The following ALDH2 variants were observed in gnomAD, a reference collection of about 807,000 sequenced individuals.
ALDH2 encodes aldehyde dehydrogenase 2 family member.
A neutral mutation model predicts 59.6 loss-of-function variants in ALDH2; 44 were observed. That is an observed-to-expected ratio of 0.74 (90% CI 0.58 to 0.95). ALDH2 has a LOEUF of 0.95. Ranked by LOEUF, ALDH2 falls within the 40% of genes least tolerant of loss-of-function variation. ALDH2 has a pLI of 0.00. For synonymous variants in ALDH2, 291 were observed against 284.0 expected (o/e 1.02, Z -0.25); for missense variants, 570 against 696.3 (o/e 0.82, Z 2.04).
rs765056115 is a variant in ALDH2, at chr12:111,790,569, G to A, written c.681+7G>A. 15 of 1,613,968 alleles carry A rather than the reference G, an allele frequency of 9.3e-6. No individual in the cohort carries two copies. The highest frequency in any genetic ancestry group is 4.0e-5 in the African/African-American group (3 of 74,906). The stretch of plus-strand genomic sequence containing the variant: ...GGCCAACCTGATCAAGGAGGTGCGT[G>A]GCTTATCCTGGTCTTAACCTCTAAA... On this transcript the variant is annotated splice_region_variant and intron_variant, in intron 6 of 12. Transcript: ENST00000261733.
At position 111,810,507 on chromosome 12, in the gene ALDH2, C is replaced by T. The variant is rs1209958428; in HGVS notation, c.*932C>T. 6.6e-6 allele frequency: 1 copy of T among 152,028 alleles called. No homozygotes were observed. Among genetic ancestry groups the T allele is most frequent in the East Asian group, 1.9e-4 (1 of 5,196 alleles). 9.4% of individuals were successfully genotyped at this position (152,028 alleles called of 1,614,324 possible). A position where few individuals can be genotyped will look rare whatever the true frequency, so the allele number is the denominator to read the frequency against. ...TTGTTTCATGCATTTAACTTCTGGC[C>T]TGTTTACCTGTAGCAGGCTCTGAGA... is the stretch of plus-strand genomic sequence containing the variant. On this transcript the variant is annotated 3_prime_UTR_variant, in exon 13 of 13. Transcript: ENST00000261733.
rs58352818 is a variant in ALDH2, at chr12:111,809,728, T to C, written c.*153T>C. On this transcript the variant is annotated 3_prime_UTR_variant, in exon 13 of 13. Coordinates refer to ENST00000261733, the MANE Select transcript of ALDH2 (RefSeq NM_000690.4). ...GTCAAGAAAGTTCTAGAATTTGAAT[T>C]GATAAACATGGTGGGTTGGCTGAGG... 3,512 of 825,344 alleles carry C rather than the reference T, an allele frequency of 4.3e-3. 95 individuals carry two copies. In the African/African-American group the frequency reaches 0.053, roughly 12 times the overall value. The allele number at this position is 825,344 out of a possible 1,614,324, so 51.1% of individuals were successfully genotyped here.
In ALDH2 at chr12:111,789,875, G is replaced by A. The variant is rs144375294; in HGVS notation, c.493G>A (p.Gly165Arg). ...CCACGGGAAAACCATCCCCATTGACGGAGACTTCTTCAGCTACACACGCCA... is the reference window on the plus strand; with the variant it reads ...CCACGGGAAAACCATCCCCATTGACAGAGACTTCTTCAGCTACACACGCCA... ...KYHGKTIPID[G>R]DFFSYTRHEP... Residue 165 changes from glycine to arginine, a missense_variant, in exon 5 of 13, where the codon GGA becomes AGA. By Grantham distance (125) the Gly-to-Arg change is moderately radical. Coordinates refer to ENST00000261733, the MANE Select transcript of ALDH2 (RefSeq NM_000690.4). 8.3e-5 allele frequency: 134 copies of A among 1,614,026 alleles called. 2 individuals are homozygous for A. The highest frequency in any genetic ancestry group is 4.1e-4 in the South Asian group (37 of 91,078).
chr12:111,780,660 G>T (rs975221025), intron 1 of ALDH2, among the ~76,000 whole-genome samples: 2 of 151,968 alleles, frequency 1.3e-5, no homozygotes, highest in Non-Finnish European at 2.9e-5. Context: ...TCTTCCCTTC[G>T]CCTTCATCTG....
At chr12:111,790,403 G>A (rs775770152) in intron 5 of ALDH2, 31 bp from the exon 6 acceptor site, 1 of 1,613,434 alleles carries the variant, frequency 6.2e-7, no homozygotes, top group Admixed American at 1.7e-5. Context: ...GAGGAAGCTT[G>A]GATTTCGAGG....
intron 12 of ALDH2, among the ~76,000 whole-genome samples, chr12:111,805,685 A>G (rs1021920418): frequency 6.6e-6 from 1 of 152,174 alleles, no homozygotes; most frequent in Non-Finnish European, 1.5e-5. Context: ...ATGTTCGCCA[A>G]TTTCATAAGC....
At chr12:111,806,136 A>C (rs1366116253) in intron 12 of ALDH2, among the ~76,000 whole-genome samples, 2 of 151,716 alleles carry the variant, frequency 1.3e-5, no homozygotes. Context: ...ACATGGTGAA[A>C]CCTCGTCTCT....
At chr12:111,790,292 C>A in intron 5 of ALDH2, 142 bp from the exon 6 acceptor site, 1 of 1,067,902 alleles carries the variant, frequency 9.4e-7, no homozygotes, top group Non-Finnish European at 1.4e-6. Flanking sequence ...ATCTTAAAAC[C>A]ACGATGGATG....
At chr12:111,772,127 A>G (rs939903737) in intron 1 of ALDH2, among the ~76,000 whole-genome samples, 1 of 152,008 alleles carries the variant, frequency 6.6e-6, no homozygotes, top group Admixed American at 6.6e-5. Context: ...AACAAAAAAA[A>G]CTTAATACCC....
In ALDH2 at chr12:111,783,187, C is replaced by T. The variant is rs2068285432; in HGVS notation, c.249C>T (p.Ala83=). Residue 83 remains alanine, a synonymous_variant, in exon 3 of 13, where the codon GCC becomes GCT. Coordinates refer to ENST00000261733, the MANE Select transcript of ALDH2 (RefSeq NM_000690.4). ...ATGTGGACAAGGCAGTGAAGGCCGCCCGGGCCGCCTTCCAGCTGGGCTCAC... is the reference window on the plus strand; with the variant it reads ...ATGTGGACAAGGCAGTGAAGGCCGCTCGGGCCGCCTTCCAGCTGGGCTCAC... The part of the protein sequence containing the change: ...KEDVDKAVKA[A]RAAFQLGSPW... 1.2e-6 allele frequency: 2 copies of T among 1,612,968 alleles called. No homozygotes were observed. Among genetic ancestry groups the T allele is most frequent in the South Asian group, 2.2e-5 (2 of 90,922 alleles).
chr12:111,785,298 A>G lies in ALDH2; in HGVS notation c.392A>G (p.Tyr131Cys), dbSNP rs774052763. 6 of 1,613,996 alleles carry G rather than the reference A, an allele frequency of 3.7e-6. No individual in the cohort carries two copies. Among genetic ancestry groups the G allele is most frequent in the East Asian group, 4.5e-5 (2 of 44,876 alleles). Residue 131 changes from tyrosine (Y) to cysteine (C), a missense_variant, in exon 4 of 13, where the codon TAT (tyrosine) becomes TGT (cysteine). Transcript: ENST00000261733. ...ALETLDNGKPYVISYLVDLDM... is the reference protein window; with the variant it reads ...ALETLDNGKPCVISYLVDLDM... Reference sequence around the variant, plus strand: ...GAGACCCTGGACAATGGCAAGCCCTATGTCATCTCCTACCTGGTGGATTTG... The same window carrying G: ...GAGACCCTGGACAATGGCAAGCCCTGTGTCATCTCCTACCTGGTGGATTTG...
At chr12:111,807,123 C>T (rs781124438) in intron 12 of ALDH2, among the ~76,000 whole-genome samples, 4 of 151,208 alleles carry the variant, frequency 2.6e-5, no homozygotes, top group African/African-American at 4.9e-5. Flanking sequence ...ATTAGCCAGG[C>T]GTGGTGGCGA....
At chr12:111,789,796 C>T (rs764810743) in intron 4 of ALDH2, 27 bp from the exon 5 acceptor site, 12 of 1,589,476 alleles carry the variant, frequency 7.5e-6, no homozygotes, top group Non-Finnish European at 1.0e-5. Flanking sequence ...ATCATTGATT[C>T]GAGCTTGAAC....
intron 7 of ALDH2, among the ~76,000 whole-genome samples, chr12:111,791,717 A>G (rs2068360844): frequency 6.6e-6 from 1 of 152,184 alleles, no homozygotes; most frequent in Non-Finnish European, 1.5e-5. Flanking sequence ...TGGCCAGGTC[A>G]GACTCCTTGA....
At chr12:111,784,647 AC>A (rs1335940899) in intron 3 of ALDH2, among the ~76,000 whole-genome samples, 1 of 151,780 alleles carries the variant, frequency 6.6e-6, no homozygotes, top group Non-Finnish European at 1.5e-5. Flanking sequence ...ATGGAGTCTC[AC>A]TCTTCACCCA....
At chr12:111,793,434 C>T (rs1325940525) in intron 9 of ALDH2, among the ~76,000 whole-genome samples, 2 of 152,044 alleles carry the variant, frequency 1.3e-5, no homozygotes, top group Non-Finnish European at 2.9e-5. Context: ...TAGAGCTGAA[C>T]GTACAGAGGG....
chr12:111,803,288 A>C (rs1278135669), intron 11 of ALDH2, among the ~76,000 whole-genome samples: 1 of 151,486 alleles, frequency 6.6e-6, no homozygotes, highest in Non-Finnish European at 1.5e-5. Flanking sequence ...TTGCAAAAAA[A>C]AAAAATGAAA....
At chr12:111,780,094 T>C (rs1161038845) in intron 1 of ALDH2, among the ~76,000 whole-genome samples, 1 of 152,120 alleles carries the variant, frequency 6.6e-6, no homozygotes, top group African/African-American at 2.4e-5. Flanking sequence ...GGTTTCACCG[T>C]GTTGGCCAGA....
At chr12:111,806,154 A>T (rs1335407575) in intron 12 of ALDH2, among the ~76,000 whole-genome samples, 2 of 151,844 alleles carry the variant, frequency 1.3e-5, no homozygotes, top group Non-Finnish European at 2.9e-5. Context: ...TCTACTAAAA[A>T]TACAAAAACA....
Sources: allele counts gnomAD v4.1 joint callset (sites outside exome capture counted in the v4.1 genomes callset), GRCh38; gene constraint gnomAD v4.1.1; transcripts MANE v1.5; gene names NCBI Gene and HGNC (gene_info 2026-07-23, HGNC 2026-07-21).